Variants in KCNIP4 observed in about 807,000 individuals in gnomAD.
KCNIP4 encodes Kv channel-interacting protein 4.
A neutral mutation model predicts 34.0 loss-of-function variants in KCNIP4; 12 were observed. The ratio of observed to expected loss-of-function variants is 0.35; its 90% CI spans 0.23 to 0.57. KCNIP4 has a LOEUF of 0.57. Ranked by LOEUF, KCNIP4 falls within the 20% of genes least tolerant of loss-of-function variation. The probability of loss-of-function intolerance (pLI) is 0.83; values close to 1 mark genes in which losing one functional copy is unlikely to be tolerated. For missense variants in KCNIP4, 238 were observed against 311.7 expected (o/e 0.76, Z 1.78); for synonymous variants, 124 against 102.2 (o/e 1.21, Z -1.29).
chr4:21,081,355 T>C lies in KCNIP4; in HGVS notation c.62-198646A>G, dbSNP rs150733877. On this transcript the variant is annotated intron_variant, in intron 1 of 8. Coordinates refer to ENST00000382152, the MANE Select transcript of KCNIP4 (RefSeq NM_025221.6). ...CTAAAATTAACATTCTTATTAGTGA[T>C]TATGCCCATATTTTTTTGATACATC... Among the ~76,000 whole-genome samples the C allele has an allele frequency of 4.6e-3, 701 of 151,900 alleles. 16 individuals are homozygous for C. Among genetic ancestry groups the C allele is most frequent in the African/African-American group, 0.016 (670 of 41,322 alleles).
chr4:21,753,624 G>A (rs1717300902), intron 1 of KCNIP4, among the ~76,000 whole-genome samples: 1 of 152,152 alleles, frequency 6.6e-6, no homozygotes, highest in Non-Finnish European at 1.5e-5. Flanking sequence ...AGCTCATGCA[G>A]GTTAAATGTC....
intron 7 of KCNIP4, among the ~76,000 whole-genome samples, 173 bp downstream of exon 7, chr4:20,732,508 T>C (rs1236084692): frequency 1.3e-5 from 2 of 152,228 alleles, no homozygotes; most frequent in South Asian, 2.1e-4. Context: ...AATGCAGTTA[T>C]CAGCATTGTA....
intron 1 of KCNIP4, among the ~76,000 whole-genome samples, chr4:21,863,361 C>T (rs760983341): frequency 6.6e-6 from 1 of 150,710 alleles, no homozygotes; most frequent in African/African-American, 2.4e-5. Context: ...AAGTAGATAG[C>T]AACAGCATTC....
chr4:20,768,100 C>G (rs1755570855), intron 3 of KCNIP4, among the ~76,000 whole-genome samples: 1 of 152,174 alleles, frequency 6.6e-6, no homozygotes, highest in Non-Finnish European at 1.5e-5. Flanking sequence ...GCTGATATCA[C>G]CAGATTCTGT....
chr4:21,861,606 G>A (rs1387250957), intron 1 of KCNIP4, among the ~76,000 whole-genome samples: 2 of 141,390 alleles, frequency 1.4e-5, no homozygotes, highest in African/African-American at 5.3e-5. Context: ...ACAGTGAACC[G>A]AGATCATGCC....
chr4:21,711,371 C>A (rs1713711428), intron 1 of KCNIP4, among the ~76,000 whole-genome samples: 1 of 152,096 alleles, frequency 6.6e-6, no homozygotes, highest in African/African-American at 2.4e-5. Context: ...ACTCAGGAGG[C>A]TGAGGCAGGA....
At chr4:20,925,539 A>T (rs371442972) in intron 1 of KCNIP4, among the ~76,000 whole-genome samples, 1 of 152,192 alleles carries the variant, frequency 6.6e-6, no homozygotes, top group Non-Finnish European at 1.5e-5. Flanking sequence ...AGAAATAACC[A>T]TAAAAATGGG....
intron 1 of KCNIP4, among the ~76,000 whole-genome samples, chr4:20,930,330 C>T (rs896726568): frequency 1.3e-5 from 2 of 151,950 alleles, no homozygotes; most frequent in East Asian, 3.9e-4. Context: ...AAATTGGACC[C>T]TAATCTTGCA....
chr4:21,041,464 G>A (rs547678727), intron 1 of KCNIP4, among the ~76,000 whole-genome samples: 22 of 152,218 alleles, frequency 1.4e-4, no homozygotes, highest in South Asian at 1.2e-3. Context: ...AAGTAGCCAC[G>A]TAAAACAATT....
intron 1 of KCNIP4, among the ~76,000 whole-genome samples, chr4:21,411,383 T>C (rs369240251): frequency 6.6e-6 from 1 of 152,200 alleles, no homozygotes; most frequent in Admixed American, 6.5e-5. Flanking sequence ...GAATCAATAA[T>C]GATGGAAAAT....
chr4:21,769,950 C>G (rs1459293189), intron 1 of KCNIP4, among the ~76,000 whole-genome samples: 1 of 152,134 alleles, frequency 6.6e-6, no homozygotes. Context: ...AGGAGGGCAG[C>G]TTGGCCAGCT....
intron 1 of KCNIP4, among the ~76,000 whole-genome samples, chr4:21,922,343 G>T (rs1728982333): frequency 6.6e-6 from 1 of 152,102 alleles, no homozygotes; most frequent in Admixed American, 6.5e-5. Context: ...GCCTGACTTT[G>T]TCATTGCTGT....
intron 3 of KCNIP4, among the ~76,000 whole-genome samples, chr4:20,842,944 G>C (rs1719930070): frequency 6.8e-6 from 1 of 147,612 alleles, no homozygotes; most frequent in Admixed American, 6.8e-5. Flanking sequence ...CGATCTTACT[G>C]TCACCCAGGC....
intron 1 of KCNIP4, among the ~76,000 whole-genome samples, chr4:21,244,699 G>C (rs1159265183): frequency 6.6e-6 from 1 of 152,104 alleles, no homozygotes; most frequent in Non-Finnish European, 1.5e-5. Flanking sequence ...AAATTCTTAA[G>C]TTTCAGGTTC....
At chr4:20,767,547 A>T (rs1234450466) in intron 3 of KCNIP4, among the ~76,000 whole-genome samples, 2 of 152,200 alleles carry the variant, frequency 1.3e-5, no homozygotes, top group Non-Finnish European at 2.9e-5. Flanking sequence ...CTTTCACCTT[A>T]TAAGGAAACC....
intron 1 of KCNIP4, among the ~76,000 whole-genome samples, chr4:21,777,985 TA>T: frequency 6.6e-6 from 1 of 152,120 alleles, no homozygotes; most frequent in Non-Finnish European, 1.5e-5. Flanking sequence ...TTAGGGAAAA[TA>T]AATAATAATT....
At chr4:21,048,759 G>C (rs898167480) in intron 1 of KCNIP4, among the ~76,000 whole-genome samples, 1 of 151,942 alleles carries the variant, frequency 6.6e-6, no homozygotes, top group East Asian at 1.9e-4. Context: ...CAAACAATAC[G>C]GCAGAAGTGA....
chr4:20,834,114 G>C (rs1388325), intron 3 of KCNIP4, among the ~76,000 whole-genome samples: 57,838 of 151,916 alleles, frequency 0.38, 11,681 homozygotes, highest in Non-Finnish European at 0.46. Context: ...CTGAAACCAG[G>C]ACCAAAACAA....
At chr4:21,255,445 C>T (rs1760999657) in intron 1 of KCNIP4, among the ~76,000 whole-genome samples, 1 of 152,008 alleles carries the variant, frequency 6.6e-6, no homozygotes, top group African/African-American at 2.4e-5. Context: ...ATCAAAAATC[C>T]ATCTTCAGGC....
Sources: allele counts gnomAD v4.1 joint callset (sites outside exome capture counted in the v4.1 genomes callset), GRCh38; gene constraint gnomAD v4.1.1; transcripts MANE v1.5; gene names NCBI Gene and HGNC (gene_info 2026-07-23, HGNC 2026-07-21).